The following LDLRAD4 variants were observed in gnomAD, a reference collection of about 807,000 sequenced individuals.
LDLRAD4 encodes low-density lipoprotein receptor class A domain-containing protein 4.
LDLRAD4 carries 5 observed loss-of-function variants against 17.0 expected under a neutral mutation model. The observed-to-expected ratio is 0.29, with a 90% CI of 0.15 to 0.62. The LOEUF (loss-of-function observed/expected upper bound fraction) is 0.62, where lower values mean the gene tolerates loss of function less well. Among genes scored for constraint, LDLRAD4 ranks in the 20% least tolerant of loss-of-function variants. The pLI, the probability that LDLRAD4 is intolerant of heterozygous loss-of-function variation, is 0.84. For missense variants in LDLRAD4, 340 were observed against 424.7 expected, an observed-to-expected ratio of 0.80 and a Z score of 1.75; for synonymous variants, 168 against 171.8, an observed-to-expected ratio of 0.98 and a Z score of 0.17.
rs371462140 is a variant in LDLRAD4, at chr18:13,342,774, C to CT, written c.-382-44558dup. Among the ~76,000 whole-genome samples the CT allele has an allele frequency of 5.9e-3, 895 of 150,504 alleles. 12 individuals are homozygous for CT. The highest frequency in any genetic ancestry group is 0.021 in the African/African-American group (868 of 41,092). ...CTTTTAGACAAAATATAGTTGGATTCTTTTTTTTTAATTTTTTATTCCATT... is the reference window on the plus strand; with the variant it reads ...CTTTTAGACAAAATATAGTTGGATTCTTTTTTTTTTAATTTTTTATTCCATT... On this transcript the variant is annotated intron_variant, in intron 1 of 5. Transcript: ENST00000359446.
chr18:13,612,641 A>C, intron 3 of LDLRAD4: 3 of 1,612,174 alleles, frequency 1.9e-6, no homozygotes, highest in Non-Finnish European at 2.5e-6. Context: ...CGGAAGCTGA[A>C]GGGATGCTTT....
intron 3 of LDLRAD4, among the ~76,000 whole-genome samples, chr18:13,548,862 A>G (rs539000945): frequency 6.6e-6 from 1 of 152,370 alleles, no homozygotes; most frequent in Non-Finnish European, 1.5e-5. Context: ...CGGCCATTCT[A>G]GACAGGCCAT....
chr18:13,589,952 T>C (rs902768754), intron 3 of LDLRAD4, among the ~76,000 whole-genome samples: 3 of 151,870 alleles, frequency 2.0e-5, no homozygotes, highest in Admixed American at 2.0e-4. Context: ...AGGCAGGCAT[T>C]GGGTGTGCGA....
At chr18:13,232,092 G>A (rs2042105974) in intron 1 of LDLRAD4, among the ~76,000 whole-genome samples, 1 of 152,236 alleles carries the variant, frequency 6.6e-6, no homozygotes, top group African/African-American at 2.4e-5. Flanking sequence ...GACTGAGGGG[G>A]CACCCCGTGA....
intron 3 of LDLRAD4, among the ~76,000 whole-genome samples, chr18:13,555,599 T>G (rs1444414322): frequency 2.0e-5 from 3 of 152,258 alleles, no homozygotes; most frequent in African/African-American, 7.2e-5. Context: ...CTATTATTTG[T>G]TATTTAGCCC....
chr18:13,276,483 C>T (rs2044874354), upstream of LDLRAD4, among the ~76,000 whole-genome samples: 1 of 152,212 alleles, frequency 6.6e-6, no homozygotes, highest in African/African-American at 2.4e-5. Flanking sequence ...GGCTGTGTTC[C>T]CATCTGCAGG....
intron 1 of LDLRAD4, among the ~76,000 whole-genome samples, chr18:13,327,845 C>T (rs1470532950): frequency 6.6e-6 from 1 of 152,160 alleles, no homozygotes; most frequent in Non-Finnish European, 1.5e-5. Flanking sequence ...TGGCCTCCTG[C>T]TTTGCTTCTG....
chr18:13,434,561 T>C (rs987057717), intron 2 of LDLRAD4, among the ~76,000 whole-genome samples: 1 of 152,196 alleles, frequency 6.6e-6, no homozygotes, highest in Non-Finnish European at 1.5e-5. Context: ...ATAGACAACA[T>C]ATTTTTAAAA....
At chr18:13,339,644 T>G (rs2082273117) in intron 1 of LDLRAD4, among the ~76,000 whole-genome samples, 1 of 152,168 alleles carries the variant, frequency 6.6e-6, no homozygotes, top group Non-Finnish European at 1.5e-5. Flanking sequence ...AAACTTTTTT[T>G]TATTATAGAA....
At chr18:13,282,765 C>T (rs1443905227) in intron 1 of LDLRAD4, among the ~76,000 whole-genome samples, 1 of 152,250 alleles carries the variant, frequency 6.6e-6, no homozygotes. Flanking sequence ...TGGCCCTCTT[C>T]TCCCAGCTCC....
intron 3 of LDLRAD4, among the ~76,000 whole-genome samples, chr18:13,582,197 G>A (rs2094870459): frequency 6.6e-6 from 1 of 152,192 alleles, no homozygotes; most frequent in African/African-American, 2.4e-5. Flanking sequence ...TAAAGCAGTC[G>A]GCACAGGGCC....
intron 3 of LDLRAD4, among the ~76,000 whole-genome samples, chr18:13,577,390 A>C (rs974965648): frequency 6.6e-6 from 1 of 152,158 alleles, no homozygotes; most frequent in Non-Finnish European, 1.5e-5. Flanking sequence ...GGCTGTGTTG[A>C]GATGGGTTTG....
intron 1 of LDLRAD4, among the ~76,000 whole-genome samples, chr18:13,368,463 C>T (rs1168735212): frequency 1.3e-5 from 2 of 152,192 alleles, no homozygotes; most frequent in Non-Finnish European, 2.9e-5. Flanking sequence ...GCCTTGCCTA[C>T]ACCAGAACTT....
intron 2 of LDLRAD4, among the ~76,000 whole-genome samples, chr18:13,404,047 A>C (rs184634279): frequency 5.3e-4 from 80 of 152,336 alleles, no homozygotes; most frequent in Admixed American, 1.4e-3. Context: ...CCTGTCCCCC[A>C]GTGGCTAGGC....
At chr18:13,275,769 A>G (rs2044826725), upstream of LDLRAD4, among the ~76,000 whole-genome samples, 1 of 106,692 alleles carries the variant, frequency 9.4e-6, no homozygotes, top group Admixed American at 8.5e-5. Context: ...AAAAATTAAG[A>G]ATAAAAAAAA....
chr18:13,360,888 T>C (rs1447443178), intron 1 of LDLRAD4, among the ~76,000 whole-genome samples: 1 of 152,212 alleles, frequency 6.6e-6, no homozygotes, highest in Admixed American at 6.5e-5. Flanking sequence ...CTGTCCCTTT[T>C]CTCCCCACTG....
chr18:13,574,659 CA>C (rs2094742713), intron 3 of LDLRAD4, among the ~76,000 whole-genome samples: 2 of 152,224 alleles, frequency 1.3e-5, no homozygotes, highest in Non-Finnish European at 2.9e-5. Flanking sequence ...GAGCACTTCA[CA>C]CTCTACCTCT....
rs1598835910 is a variant in LDLRAD4 at position 13,239,625 on chromosome 18, C to T, written c.-467+20637C>T. On this transcript the variant is annotated intron_variant, in intron 1 of 5. Coordinates refer to the LDLRAD4 transcript ENST00000399848. ...CCAGCCATCCGGCTGGAGAGACCTTCAGTAGGCTCAGAACAGCTGCGCTCA... is the reference window on the plus strand; with the variant it reads ...CCAGCCATCCGGCTGGAGAGACCTTTAGTAGGCTCAGAACAGCTGCGCTCA... The T allele has an allele frequency of 3.3e-5, 5 of 152,442 alleles. 1 individual carries two copies. Among genetic ancestry groups the T allele is most frequent in the African/African-American group, 1.2e-4 (5 of 41,602 alleles). The allele number at this position is 152,442 out of a possible 1,614,324, so 9.4% of individuals were successfully genotyped here. A position where few individuals can be genotyped will look rare whatever the true frequency, so the allele number is the denominator to read the frequency against.
At chr18:13,298,161 G>A (rs539654384) in intron 1 of LDLRAD4, among the ~76,000 whole-genome samples, 1 of 152,348 alleles carries the variant, frequency 6.6e-6, no homozygotes, top group East Asian at 1.9e-4. Flanking sequence ...TGCACAAGCT[G>A]GGGGTGGGGA....
Sources: gnomAD v4.1 joint callset for allele counts (sites outside exome capture counted in the v4.1 genomes callset) on GRCh38, gnomAD v4.1.1 for gene constraint, MANE v1.5 for transcripts, NCBI Gene and HGNC (gene_info 2026-07-23, HGNC 2026-07-21) for gene names.